CCDC15: variants seen among roughly 807,000 people sequenced by gnomAD.
The protein encoded by CCDC15 is coiled-coil domain-containing protein 15.
CCDC15 carries 105 observed loss-of-function variants against 114.5 expected under a neutral mutation model. The ratio of observed to expected loss-of-function variants is 0.92; its 90% CI spans 0.78 to 1.08. The LOEUF is 1.08. CCDC15 is among the 50% of genes least tolerant of loss of function. CCDC15 has a pLI of 0.00. For missense variants in CCDC15, 1,105 were observed against 1,093.6 expected, an observed-to-expected ratio of 1.01 and a Z score of -0.15; for synonymous variants, 334 against 377.8, an observed-to-expected ratio of 0.88 and a Z score of 1.34.
intron 13 of CCDC15, among the ~76,000 whole-genome samples, chr11:125,031,790 C>A (rs1178838945): frequency 6.6e-6 from 1 of 152,204 alleles, no homozygotes; most frequent in East Asian, 1.9e-4. Flanking sequence ...CGCACAGCAG[C>A]CTGGACCTGT....
rs1344928326 is a variant in CCDC15 at position 124,977,036 on chromosome 11, G to A, written c.631-442G>A. 2.6e-5 allele frequency among the ~76,000 whole-genome samples: 4 copies of A among 152,140 alleles called. No homozygotes were observed. The South Asian group carries it at 6.2e-4, about 24-fold the overall frequency. On this transcript the variant is annotated intron_variant, in intron 5 of 15. Transcript: ENST00000344762. ...TTTTCTACCTTCTTAGTTGTGTGAAGTGGGAATTTGCAAATCAGAAAGAAC... is the reference window on the plus strand; with the variant it reads ...TTTTCTACCTTCTTAGTTGTGTGAAATGGGAATTTGCAAATCAGAAAGAAC...
chr11:124,970,243 G>A (rs549079529), intron 4 of CCDC15, among the ~76,000 whole-genome samples: 1 of 151,952 alleles, frequency 6.6e-6, no homozygotes, highest in Non-Finnish European at 1.5e-5. Flanking sequence ...CTTTTCTCTG[G>A]ATATTTCCTA....
At chr11:125,021,414 T>C (rs1467873570) in intron 13 of CCDC15, among the ~76,000 whole-genome samples, 3 of 151,870 alleles carry the variant, frequency 2.0e-5, no homozygotes, top group African/African-American at 4.8e-5. Context: ...TGCCCCCCAA[T>C]ATAATTTTAA....
At position 124,987,373 on chromosome 11, in the gene CCDC15, C is replaced by A. The variant is rs780633397; in HGVS notation, c.1147C>A (p.Pro383Thr). Residue 383 changes from proline (P) to threonine (T), a missense_variant, in exon 8 of 16, where the codon CCT becomes ACT. Pro to Thr is a conservative substitution (Grantham distance 38). Transcript: ENST00000344762. ...CCAGGCCATTGAGCCAGAAGGCCAGCCTATTAAGACAGAAACTCAGGGTAT... is the reference window on the plus strand; with the variant it reads ...CCAGGCCATTGAGCCAGAAGGCCAGACTATTAAGACAGAAACTCAGGGTAT... The part of the protein sequence containing the change: ...EGQAIEPEGQ[P>T]IKTETQGIML... 1.9e-6 allele frequency: 3 copies of A among 1,613,672 alleles called. No individual in the cohort carries two copies. Among genetic ancestry groups the A allele is most frequent in the Non-Finnish European group, 2.5e-6 (3 of 1,179,778 alleles).
intron 6 of CCDC15, among the ~76,000 whole-genome samples, chr11:124,983,102 A>G (rs1464053974): frequency 6.6e-6 from 1 of 152,082 alleles, no homozygotes; most frequent in Non-Finnish European, 1.5e-5. Context: ...ATACTACTGC[A>G]TTATGAAATT....
intron 13 of CCDC15, among the ~76,000 whole-genome samples, chr11:125,034,854 A>T (rs1591615860): frequency 6.6e-6 from 1 of 152,144 alleles, no homozygotes; most frequent in Admixed American, 6.6e-5. Context: ...ATTTGTTGGT[A>T]CCAAAATCTG....
intron 4 of CCDC15, among the ~76,000 whole-genome samples, chr11:124,965,203 T>C (rs866063889): frequency 1.2e-4 from 18 of 152,202 alleles, no homozygotes; most frequent in Middle Eastern, 3.2e-3. Flanking sequence ...TTGGAATAGT[T>C]TCAGAAGGAA....
intron 13 of CCDC15, among the ~76,000 whole-genome samples, chr11:125,016,739 C>CT (rs1248705612): frequency 6.6e-6 from 1 of 152,180 alleles, no homozygotes; most frequent in Non-Finnish European, 1.5e-5. Context: ...CATACCCCTG[C>CT]TGTGGGTGTT....
chr11:125,038,692 CTG>C, intron 14 of CCDC15, 88 bp downstream of exon 14: 1 of 1,290,604 alleles, frequency 7.7e-7, no homozygotes. Context: ...AGAGAATTGA[CTG>C]TGTCTTTTCA....
At chr11:124,975,249 TA>T in intron 5 of CCDC15, 40 bp downstream of exon 5, 4 of 1,201,300 alleles carry the variant, frequency 3.3e-6, no homozygotes, top group East Asian at 2.6e-5. Context: ...AAAATACAGG[TA>T]AAAAATACAG....
chr11:125,027,447 G>A (rs1228666252), intron 13 of CCDC15, among the ~76,000 whole-genome samples: 1 of 152,106 alleles, frequency 6.6e-6, no homozygotes, highest in Non-Finnish European at 1.5e-5. Context: ...GGAGTAAGGT[G>A]ATACCTCATT....
intron 6 of CCDC15, among the ~76,000 whole-genome samples, chr11:124,986,079 G>A (rs376192188): frequency 4.1e-4 from 62 of 152,220 alleles, no homozygotes; most frequent in East Asian, 1.5e-3. Flanking sequence ...GAATATAGGT[G>A]TCTAGTTGTC....
At chr11:125,020,399 T>G (rs1404315309) in intron 13 of CCDC15, among the ~76,000 whole-genome samples, 1 of 152,008 alleles carries the variant, frequency 6.6e-6, no homozygotes, top group Non-Finnish European at 1.5e-5. Context: ...TGGCATTATA[T>G]GAAAGATGAC....
At chr11:125,018,607 A>G (rs1349070381) in intron 13 of CCDC15, among the ~76,000 whole-genome samples, 2 of 152,030 alleles carry the variant, frequency 1.3e-5, no homozygotes, top group Non-Finnish European at 2.9e-5. Context: ...TTACTTCTGT[A>G]ATCCTCAGTT....
In CCDC15 at chr11:124,987,949, A is replaced by G. The variant is rs368706917; in HGVS notation, c.1723A>G (p.Asn575Asp). The change falls in exon 8 of 16, where the codon AAT (asparagine) becomes GAT (aspartate). Residue 575 changes from asparagine to aspartate, a missense_variant. Transcript: ENST00000344762. ...RDQGVLPKDQ[N>D]ILPICQDQDF... ...CCAAGGTGTTCTTCCCAAAGACCAA[A>G]ATATTCTACCCATATGTCAGGACCA... 2 of 1,613,966 alleles carry G rather than the reference A, an allele frequency of 1.2e-6. No individual in the cohort carries two copies. Among genetic ancestry groups the G allele is most frequent in the South Asian group, 2.2e-5 (2 of 91,078 alleles).
rs983308764 is a variant in CCDC15, at chr11:124,954,912, G to A, written c.177+3G>A. 6.2e-7 allele frequency: 1 copy of A among 1,613,786 alleles called. No homozygotes were observed. The highest frequency in any genetic ancestry group is 1.7e-5 in the Admixed American group (1 of 60,020). On this transcript the variant is annotated splice_donor_region_variant and intron_variant, in intron 2 of 15. Coordinates refer to ENST00000344762, the MANE Select transcript of CCDC15 (RefSeq NM_025004.3). ...GTAGTTCGGAAATCCCAGCATATGTGAGTGTCAGTTTGATCCAAATATGGT... is the reference window on the plus strand; with the variant it reads ...GTAGTTCGGAAATCCCAGCATATGTAAGTGTCAGTTTGATCCAAATATGGT...
intron 2 of CCDC15, among the ~76,000 whole-genome samples, chr11:124,957,618 C>T (rs1050649270): frequency 5.3e-5 from 8 of 152,290 alleles, no homozygotes; most frequent in Admixed American, 3.9e-4. Context: ...TTAAACTTGT[C>T]TGGGGCTTGA....
At chr11:125,012,327 T>A (rs1300093392) in intron 13 of CCDC15, among the ~76,000 whole-genome samples, 1 of 152,220 alleles carries the variant, frequency 6.6e-6, no homozygotes, top group Non-Finnish European at 1.5e-5. Context: ...GGCTCCCCTC[T>A]TATCCAGGTC....
intron 8 of CCDC15, among the ~76,000 whole-genome samples, chr11:124,990,115 T>G (rs1241846727): frequency 6.6e-6 from 1 of 152,216 alleles, no homozygotes; most frequent in Non-Finnish European, 1.5e-5. Flanking sequence ...TGGTTCTTTC[T>G]TTCACTTGAA....
Sources: allele counts gnomAD v4.1 joint callset (sites outside exome capture counted in the v4.1 genomes callset), GRCh38; gene constraint gnomAD v4.1.1; transcripts MANE v1.5; gene names NCBI Gene and HGNC (gene_info 2026-07-23, HGNC 2026-07-21).